Variants in PLXNA4 observed in about 807,000 individuals in gnomAD.
PLXNA4 encodes plexin A4, also known as plexin-A4.
PLXNA4 carries 44 observed loss-of-function variants against 191.8 expected under a neutral mutation model. That is an observed-to-expected ratio of 0.23 (90% confidence interval 0.18 to 0.29). The LOEUF (loss-of-function observed/expected upper bound fraction) is 0.29, where lower values mean the gene tolerates loss of function less well. Ranked by LOEUF, PLXNA4 falls within the 10% of genes least tolerant of loss-of-function variation. The probability of loss-of-function intolerance (pLI) is 1.00; values close to 1 mark genes in which losing one functional copy is unlikely to be tolerated. For missense variants in PLXNA4, 1,800 were observed against 2,488.8 expected (o/e 0.72, Z 5.89); for synonymous variants, 1,082 against 1,009.5 (o/e 1.07, Z -1.36).
chr7:132,252,529 C>T (rs1799291426), intron 4 of PLXNA4, among the ~76,000 whole-genome samples: 1 of 152,056 alleles, frequency 6.6e-6, no homozygotes, highest in South Asian at 2.1e-4. Flanking sequence ...TCTCAATCTT[C>T]TGACCTCGTG....
intron 4 of PLXNA4, among the ~76,000 whole-genome samples, chr7:132,291,907 G>T (rs1349401659): frequency 6.6e-6 from 1 of 152,200 alleles, no homozygotes; most frequent in Non-Finnish European, 1.5e-5. Context: ...CGATTCTCCT[G>T]CCTCAGCCTC....
chr7:132,641,931 C>T (rs73160216), intron 2 of PLXNA4, among the ~76,000 whole-genome samples: 2,254 of 152,242 alleles, frequency 0.015, 30 homozygotes, highest in Admixed American at 0.031. Flanking sequence ...AAAAGTGAGA[C>T]ACATCCCCCT....
rs779059406 is a variant in PLXNA4, at chr7:132,507,963, T to C, written c.731A>G (p.Tyr244Cys). 1 of 1,614,060 alleles carries C rather than the reference T, an allele frequency of 6.2e-7. No homozygotes were observed. Among genetic ancestry groups the C allele is most frequent in the South Asian group, 1.1e-5 (1 of 91,074 alleles). Reference sequence around the variant, plus strand: ...GTTGCCACTGCTAAAACCATAGACATAGTAGATATCAAAGTCAGGGATGAT... The same window carrying C: ...GTTGCCACTGCTAAAACCATAGACACAGTAGATATCAAAGTCAGGGATGAT... ...FTIIPDFDIYYVYGFSSGNFV... is the reference protein window; with the variant it reads ...FTIIPDFDIYCVYGFSSGNFV... The change falls in exon 2 of 32, where the codon TAT (tyrosine) becomes TGT (cysteine). Residue 244 changes from tyrosine (Y) to cysteine (C), a missense_variant. Tyr to Cys is a radical substitution (Grantham distance 194, BLOSUM62 -2). Coordinates refer to ENST00000321063, the MANE Select transcript of PLXNA4 (RefSeq NM_020911.2).
intron 4 of PLXNA4, among the ~76,000 whole-genome samples, chr7:132,267,016 T>C (rs1799883585): frequency 6.6e-6 from 1 of 152,070 alleles, no homozygotes; most frequent in South Asian, 2.1e-4. Flanking sequence ...TATACAGAGG[T>C]TCCAGTTGAG....
Position 132,392,718 on chromosome 7 carries a change from C to T in PLXNA4, c.1372-94496G>A, listed in dbSNP as rs75681324. ...CAGGCTTCAGCCTCGCCTAGGTTGTCCTGGGGAGGATGGGCCGCTGTTGGA... is the reference window on the plus strand; with the variant it reads ...CAGGCTTCAGCCTCGCCTAGGTTGTTCTGGGGAGGATGGGCCGCTGTTGGA... On this transcript the variant is annotated intron_variant, in intron 3 of 31. Transcript: ENST00000321063. 5.7e-3 allele frequency among the ~76,000 whole-genome samples: 874 copies of T among 152,348 alleles called. 11 individuals are homozygous for T. Among genetic ancestry groups the T allele is most frequent in the African/African-American group, 0.02 (833 of 41,582 alleles).
At chr7:132,168,210 C>T in intron 22 of PLXNA4, 94 bp downstream of exon 22, 2 of 1,398,572 alleles carry the variant, frequency 1.4e-6, no homozygotes, top group South Asian at 3.5e-5. Flanking sequence ...AACATGGCTG[C>T]TCTCCTAGGA....
At chr7:132,324,009 G>C (rs1362722362) in intron 3 of PLXNA4, among the ~76,000 whole-genome samples, 7 of 152,204 alleles carry the variant, frequency 4.6e-5, no homozygotes, top group Admixed American at 4.6e-4. Context: ...GAGCTAGGCA[G>C]GGATCATCAG....
At chr7:132,150,564 A>G (rs932296218) in intron 25 of PLXNA4, among the ~76,000 whole-genome samples, 1 of 152,192 alleles carries the variant, frequency 6.6e-6, no homozygotes, top group African/African-American at 2.4e-5. Context: ...TATTTAGGGT[A>G]GGGAGAGGGA....
chr7:132,622,223 T>C (rs552160562), intron 2 of PLXNA4, among the ~76,000 whole-genome samples: 293 of 152,320 alleles, frequency 1.9e-3, no homozygotes, highest in African/African-American at 6.4e-3. Flanking sequence ...AGAAGCCACA[T>C]GTTGAGGATG....
intron 1 of PLXNA4, among the ~76,000 whole-genome samples, chr7:132,561,564 C>T (rs1402546561): frequency 2.9e-5 from 3 of 105,130 alleles, no homozygotes; most frequent in Non-Finnish European, 5.7e-5. Flanking sequence ...TCCTTCTCCT[C>T]CTCCTTTCCC....
chr7:132,495,477 T>C (rs1797975557), intron 2 of PLXNA4, among the ~76,000 whole-genome samples: 1 of 152,176 alleles, frequency 6.6e-6, no homozygotes, highest in African/African-American at 2.4e-5. Context: ...GGATGTGCCA[T>C]GCAGCCAACT....
At chr7:132,642,230 A>G (rs1189834171) in intron 2 of PLXNA4, among the ~76,000 whole-genome samples, 2 of 152,172 alleles carry the variant, frequency 1.3e-5, no homozygotes, top group Non-Finnish European at 2.9e-5. Flanking sequence ...ATCTAAAATG[A>G]TGCTGGATAT....
intron 3 of PLXNA4, among the ~76,000 whole-genome samples, chr7:132,399,870 T>G (rs1411954822): frequency 6.6e-6 from 1 of 152,158 alleles, no homozygotes; most frequent in Non-Finnish European, 1.5e-5. Flanking sequence ...AGATCTTCAG[T>G]GCACACTTTG....
intron 25 of PLXNA4, among the ~76,000 whole-genome samples, chr7:132,151,071 A>C (rs1056823824): frequency 2.0e-5 from 3 of 152,204 alleles, no homozygotes; most frequent in African/African-American, 7.2e-5. Flanking sequence ...GGAATCAAGG[A>C]GTACACTTAG....
At chr7:132,217,260 G>A (rs966047926) in intron 9 of PLXNA4, among the ~76,000 whole-genome samples, 3 of 152,200 alleles carry the variant, frequency 2.0e-5, no homozygotes, top group African/African-American at 7.2e-5. Context: ...TGTCCAGCAC[G>A]TTAGTGACTG....
intron 2 of PLXNA4, among the ~76,000 whole-genome samples, chr7:132,599,684 CT>C (rs796962711): frequency 3.6e-4 from 53 of 147,990 alleles, no homozygotes; most frequent in South Asian, 3.0e-3. Flanking sequence ...ACTTCTCCCC[CT>C]TTTTTTTTTC....
chr7:132,205,505 T>TTG (rs1052238804), intron 10 of PLXNA4, among the ~76,000 whole-genome samples: 19 of 151,720 alleles, frequency 1.3e-4, no homozygotes, highest in East Asian at 9.7e-4. Context: ...GTTTGTGTGT[T>TTG]TGTGTGTGTG....
At position 132,602,678 on chromosome 7, in the gene PLXNA4, C is replaced by T. The variant is rs146659701; in HGVS notation, c.-87+43250G>A. Among the ~76,000 whole-genome samples the T allele has an allele frequency of 6.3e-3, 958 of 152,226 alleles. 9 individuals are homozygous for T. The highest frequency in any genetic ancestry group is 1.0e-2 in the Non-Finnish European group (679 of 68,014). On this transcript the variant is annotated intron_variant, in intron 2 of 4. Transcript: ENST00000378539. ...TTTACCCAGCCACCAAAATAGTTAC[C>T]AGGGATGACAAGGACCTGCCTCCCA...
At chr7:132,222,385 C>T (rs1798175101) in intron 9 of PLXNA4, among the ~76,000 whole-genome samples, 3 of 152,172 alleles carry the variant, frequency 2.0e-5, no homozygotes, top group Admixed American at 2.0e-4. Context: ...GAGGGTTTGG[C>T]CAAAGGTAGG....
Sources: gnomAD v4.1 joint callset for allele counts (sites outside exome capture counted in the v4.1 genomes callset) on GRCh38, gnomAD v4.1.1 for gene constraint, MANE v1.5 for transcripts, NCBI Gene and HGNC (gene_info 2026-07-23, HGNC 2026-07-21) for gene names.